PTPRG: variants seen among roughly 807,000 people sequenced by gnomAD.
The protein encoded by PTPRG is receptor-type tyrosine-protein phosphatase gamma.
A neutral mutation model predicts 165.3 loss-of-function variants in PTPRG; 102 were observed. The ratio of observed to expected loss-of-function variants is 0.62; its 90% CI spans 0.53 to 0.73. The LOEUF is 0.73. PTPRG is among the 30% of genes least tolerant of loss of function. PTPRG has a pLI of 0.00. For synonymous variants in PTPRG, 675 were observed against 669.5 expected, an observed-to-expected ratio of 1.01 and a Z score of -0.13; for missense variants, 1,866 against 1,861.4, an observed-to-expected ratio of 1.00 and a Z score of -0.05.
intron 5 of PTPRG, among the ~76,000 whole-genome samples, chr3:62,090,743 C>G (rs190347822): frequency 2.0e-5 from 3 of 152,186 alleles, no homozygotes; most frequent in African/African-American, 7.2e-5. Context: ...TGTGCGTTAT[C>G]CCATTTCATG....
intron 1 of PTPRG, among the ~76,000 whole-genome samples, chr3:61,604,431 A>G (rs150475762): frequency 8.7e-4 from 132 of 152,338 alleles, no homozygotes; most frequent in African/African-American, 3.0e-3. Context: ...TAAGTTGCCT[A>G]TTGTGACATC....
chr3:62,153,872 A>G (rs1704436193), intron 6 of PTPRG, among the ~76,000 whole-genome samples: 1 of 152,170 alleles, frequency 6.6e-6, no homozygotes, highest in Admixed American at 6.5e-5. Flanking sequence ...GAAGGAACTC[A>G]CAAGTGCTGG....
intron 1 of PTPRG, among the ~76,000 whole-genome samples, chr3:61,705,296 ATACCAG>A (rs548922027): frequency 2.0e-3 from 301 of 152,322 alleles, no homozygotes; most frequent in African/African-American, 6.7e-3. Flanking sequence ...AGGGAGCAGA[ATACCAG>A]TATCTGATGG....
chr3:61,867,604 G>C (rs372677343), intron 2 of PTPRG, among the ~76,000 whole-genome samples: 133 of 152,104 alleles, frequency 8.7e-4, no homozygotes, highest in African/African-American at 3.0e-3. Context: ...ACACATTTTA[G>C]TGAGTGGCAA....
chr3:62,258,563 ATGT>A (rs1250865324), intron 16 of PTPRG, among the ~76,000 whole-genome samples: 1 of 152,254 alleles, frequency 6.6e-6, no homozygotes, highest in African/African-American at 2.4e-5. Context: ...AAGTAAAAAA[ATGT>A]TGGTGAATAA....
chr3:62,148,228 A>C (rs959472582), intron 6 of PTPRG, among the ~76,000 whole-genome samples: 10 of 152,138 alleles, frequency 6.6e-5, no homozygotes, highest in Non-Finnish European at 1.3e-4. Context: ...AAGGATGAAA[A>C]GGCATCATCT....
intron 12 of PTPRG, among the ~76,000 whole-genome samples, chr3:62,208,375 A>G (rs998844553): frequency 2.6e-5 from 4 of 152,238 alleles, no homozygotes; most frequent in South Asian, 4.1e-4. Flanking sequence ...CAGAGTGGGC[A>G]TCATCTACAA....
chr3:61,773,652 A>G (rs2034279716), intron 2 of PTPRG, among the ~76,000 whole-genome samples: 1 of 152,188 alleles, frequency 6.6e-6, no homozygotes, highest in South Asian at 2.1e-4. Flanking sequence ...ATTGAGGTTC[A>G]TAAAGAACTT....
Position 61,858,778 on chromosome 3 carries a change from T to C in PTPRG, c.190+109796T>C, listed in dbSNP as rs962157330. 2.6e-5 allele frequency among the ~76,000 whole-genome samples: 4 copies of C among 152,316 alleles called. No homozygotes were observed. The East Asian group carries it at 7.7e-4, about 29-fold the overall frequency. On this transcript the variant is annotated intron_variant, in intron 2 of 29. Transcript: ENST00000474889. ...TTTTAAAAACTCTTAAACTTTTAATTATGATGCCTCAGTGTGTATTTGGAG... is the reference window on the plus strand; with the variant it reads ...TTTTAAAAACTCTTAAACTTTTAATCATGATGCCTCAGTGTGTATTTGGAG...
chr3:61,911,654 A>G (rs2038807276), intron 2 of PTPRG, among the ~76,000 whole-genome samples: 1 of 152,080 alleles, frequency 6.6e-6, no homozygotes, highest in Non-Finnish European at 1.5e-5. Context: ...TTGTTTCCCC[A>G]TTTTGAAGCA....
intron 24 of PTPRG, 83 bp downstream of exon 24, chr3:62,276,049 T>C (rs952369150): frequency 4.0e-6 from 4 of 989,568 alleles, no homozygotes; most frequent in East Asian, 2.5e-5. Flanking sequence ...TCTGATGCTA[T>C]TGATAGCACC....
intron 1 of PTPRG, among the ~76,000 whole-genome samples, chr3:61,589,656 G>A (rs1288475428): frequency 6.6e-6 from 1 of 152,138 alleles, no homozygotes; most frequent in Non-Finnish European, 1.5e-5. Context: ...GCGTAGCTCA[G>A]GCCACTAGAC....
At chr3:62,051,457 A>G (rs1700466514) in intron 4 of PTPRG, among the ~76,000 whole-genome samples, 1 of 152,208 alleles carries the variant, frequency 6.6e-6, no homozygotes, top group Non-Finnish European at 1.5e-5. Flanking sequence ...AAATGTCTTT[A>G]TAAAAGCCAT....
At chr3:61,672,013 G>T (rs867478814) in intron 1 of PTPRG, among the ~76,000 whole-genome samples, 7,904 of 126,108 alleles carry the variant, frequency 0.063, 701 homozygotes, top group Middle Eastern at 0.14. Context: ...CGGGGCGGTT[G>T]CCAGGCAGAG....
intron 1 of PTPRG, among the ~76,000 whole-genome samples, chr3:61,606,476 G>A (rs570572254): frequency 6.6e-6 from 1 of 152,328 alleles, no homozygotes; most frequent in East Asian, 1.9e-4. Flanking sequence ...ATATACATCT[G>A]CAATATCCCT....
intron 13 of PTPRG, among the ~76,000 whole-genome samples, chr3:62,220,851 C>A (rs1322637517): frequency 6.6e-6 from 1 of 152,094 alleles, no homozygotes; most frequent in African/African-American, 2.4e-5. Context: ...CACAGGGGAG[C>A]AGAGAAGTCC....
intron 1 of PTPRG, among the ~76,000 whole-genome samples, chr3:61,603,970 C>T (rs555641311): frequency 1.3e-5 from 2 of 152,328 alleles, no homozygotes; most frequent in East Asian, 1.9e-4. Context: ...AATCATGTCA[C>T]ATTCTGAGGT....
At position 61,939,928 on chromosome 3, in the gene PTPRG, C is replaced by CTTTT. The variant is rs561334410; in HGVS notation, c.191-49664_191-49661dup. On this transcript the variant is annotated intron_variant, in intron 2 of 29. Transcript: ENST00000474889. ...TGTCTTGGCTTCCTTACTGACTTGT[C>CTTTT]TTTTTTTTTTTTTTTTTTTTTTTTT... is the stretch of plus-strand genomic sequence containing the variant. Among the ~76,000 whole-genome samples, 12 of 39,142 alleles carry CTTTT rather than the reference C, an allele frequency of 3.1e-4. 3 individuals carry two copies. The highest frequency in any genetic ancestry group is 3.7e-4 in the Non-Finnish European group (8 of 21,766). The allele number at this position is 39,142 out of a possible 152,430, so 25.7% of individuals were successfully genotyped here.
chr3:61,728,890 A>AG (rs1559578031), intron 1 of PTPRG, among the ~76,000 whole-genome samples: 2 of 150,384 alleles, frequency 1.3e-5, no homozygotes, highest in African/African-American at 2.4e-5. Context: ...AAAAAAAAAA[A>AG]AAGAAAGAAA....
Sources: allele counts gnomAD v4.1 joint callset (sites outside exome capture counted in the v4.1 genomes callset), GRCh38; gene constraint gnomAD v4.1.1; transcripts MANE v1.5; gene names NCBI Gene and HGNC (gene_info 2026-07-23, HGNC 2026-07-21).